Variants in ZHX2 observed in about 807,000 individuals in gnomAD.
ZHX2 encodes the protein zinc fingers and homeoboxes 2, also known as zinc fingers and homeoboxes protein 2.
In ZHX2, 6 loss-of-function variants were observed where a neutral mutation model predicts 21.9. The ratio of observed to expected loss-of-function variants is 0.27; its 90% CI spans 0.15 to 0.54. ZHX2 has a LOEUF of 0.54. Ranked by LOEUF, ZHX2 falls within the 20% of genes least tolerant of loss-of-function variation. ZHX2 has a pLI of 0.95. For synonymous variants in ZHX2, 434 were observed against 437.1 expected (o/e 0.99, Z 0.09); for missense variants, 908 against 1,090.7 (o/e 0.83, Z 2.36).
chr8:122,913,922 G>A (rs1183562595), intron 2 of ZHX2, among the ~76,000 whole-genome samples: 2 of 152,140 alleles, frequency 1.3e-5, no homozygotes, highest in African/African-American at 4.8e-5. Flanking sequence ...TATAACAATG[G>A]CCTTCATGAG....
At chr8:122,842,006 C>A (rs1818641683) in intron 1 of ZHX2, among the ~76,000 whole-genome samples, 1 of 152,190 alleles carries the variant, frequency 6.6e-6, no homozygotes, top group African/African-American at 2.4e-5. Flanking sequence ...TAGTGCTTGA[C>A]TGTAGAGCCC....
chr8:122,829,898 T>C (rs940775583), intron 1 of ZHX2, among the ~76,000 whole-genome samples: 2 of 152,148 alleles, frequency 1.3e-5, no homozygotes, highest in African/African-American at 4.8e-5. Context: ...TGGAGCCCTG[T>C]TGGTGATGAA....
intron 2 of ZHX2, among the ~76,000 whole-genome samples, chr8:122,905,387 T>TA (rs34079948): frequency 0.017 from 2,548 of 152,278 alleles, 63 homozygotes; most frequent in African/African-American, 0.057. Flanking sequence ...ACATTTTTTT[T>TA]AAAAACTGTC....
chr8:122,819,132 A>G (rs942976646), intron 1 of ZHX2, among the ~76,000 whole-genome samples: 1 of 152,224 alleles, frequency 6.6e-6, no homozygotes, highest in Non-Finnish European at 1.5e-5. Flanking sequence ...CCAGTGCATG[A>G]GAAGACAGTG....
intron 1 of ZHX2, among the ~76,000 whole-genome samples, chr8:122,825,453 C>T (rs1818243076): frequency 6.6e-6 from 1 of 152,164 alleles, no homozygotes; most frequent in African/African-American, 2.4e-5. Flanking sequence ...TCTTCCTACA[C>T]CCCATCCCTG....
chr8:122,955,069 C>CG (rs35647179), intron 3 of ZHX2, among the ~76,000 whole-genome samples: 2,508 of 20,400 alleles, frequency 0.12, 188 homozygotes, highest in Non-Finnish European at 0.15. Flanking sequence ...TCACATAAGC[C>CG]GGGGGGGGGG....
intron 1 of ZHX2, among the ~76,000 whole-genome samples, chr8:122,852,534 A>G (rs1298889242): frequency 6.6e-6 from 1 of 151,964 alleles, no homozygotes; most frequent in African/African-American, 2.4e-5. Flanking sequence ...ATGTGAACTC[A>G]GGCAGTCTTT....
chr8:122,796,817 G>C (rs989914384), intron 1 of ZHX2, among the ~76,000 whole-genome samples: 3 of 152,146 alleles, frequency 2.0e-5, no homozygotes, highest in Admixed American at 6.5e-5. Flanking sequence ...ACAAAGAAGA[G>C]AGCAGTTCCA....
At chr8:122,913,456 G>A (rs912360513) in intron 2 of ZHX2, among the ~76,000 whole-genome samples, 1 of 152,210 alleles carries the variant, frequency 6.6e-6, no homozygotes, top group Admixed American at 6.5e-5. Flanking sequence ...CAAGGAGCCT[G>A]CCAACCTTGA....
intron 1 of ZHX2, among the ~76,000 whole-genome samples, chr8:122,851,756 G>T (rs199637596): frequency 2.1e-4 from 32 of 152,188 alleles, no homozygotes; most frequent in Admixed American, 2.1e-3. Flanking sequence ...CCGGGGCTTG[G>T]GGGCTCAGAA....
intron 2 of ZHX2, among the ~76,000 whole-genome samples, chr8:122,894,303 G>A (rs1349880656): frequency 6.6e-6 from 1 of 152,180 alleles, no homozygotes; most frequent in African/African-American, 2.4e-5. Flanking sequence ...AGTTTCCCAA[G>A]GGCTTCTGGC....
rs1228893306 is a variant in ZHX2, at chr8:122,828,498, C to T, written c.-282-34979C>T. Among the ~76,000 whole-genome samples, 5 of 152,200 alleles carry T rather than the reference C, an allele frequency of 3.3e-5. No homozygotes were observed. Among genetic ancestry groups the T allele is most frequent in the South Asian group, 2.1e-4 (1 of 4,836 alleles). On this transcript the variant is annotated intron_variant, in intron 1 of 3. Coordinates refer to ENST00000314393, the MANE Select transcript of ZHX2 (RefSeq NM_014943.5). The surrounding 1 kb of genome is among the most constrained non-coding windows in gnomAD (Gnocchi z 5.2). ...AAACCCAGGAAGACAGGGAGAGCTG[C>T]GGCCCACGAATGCATCTACCAGTGT...
At chr8:122,804,529 C>T (rs1817787146) in intron 1 of ZHX2, among the ~76,000 whole-genome samples, 1 of 152,174 alleles carries the variant, frequency 6.6e-6, no homozygotes, top group African/African-American at 2.4e-5. Context: ...CTGGGAGTCT[C>T]CAGTCTCCTG....
At chr8:122,950,512 G>A (rs113464266) in intron 2 of ZHX2, among the ~76,000 whole-genome samples, 2 of 151,782 alleles carry the variant, frequency 1.3e-5, no homozygotes, top group African/African-American at 4.8e-5. Flanking sequence ...GATGGGTGCA[G>A]CAAACCACCA....
In ZHX2 at chr8:122,953,344, T is replaced by C; in HGVS notation, c.1834T>C (p.Ser612Pro). The C allele has an allele frequency of 6.2e-7, 1 of 1,614,020 alleles. No homozygotes were observed. Among genetic ancestry groups the C allele is most frequent in the Non-Finnish European group, 8.5e-7 (1 of 1,180,016 alleles). Residue 612 changes from serine to proline, a missense_variant, in exon 3 of 4, where the codon TCT (serine) becomes CCT (proline). Coordinates refer to ENST00000314393, the MANE Select transcript of ZHX2 (RefSeq NM_014943.5). The surrounding 1 kb of genome is among the most constrained non-coding windows in gnomAD (Gnocchi z 4.6). ...TGTGGGAGCCCCCAATGGTGCTCTG[T>C]CTCGACTCGACCAGCTCTCCGGTGC... is the stretch of plus-strand genomic sequence containing the variant. The part of the protein sequence containing the change: ...QDVGAPNGAL[S>P]RLDQLSGAQL...
intron 1 of ZHX2, among the ~76,000 whole-genome samples, chr8:122,821,383 G>A (rs995119311): frequency 6.6e-6 from 1 of 152,206 alleles, no homozygotes; most frequent in Non-Finnish European, 1.5e-5. Context: ...CTAAGCTATA[G>A]TAAGGGCTTA....
intron 3 of ZHX2, among the ~76,000 whole-genome samples, chr8:122,966,734 T>C (rs879480987): frequency 6.6e-6 from 1 of 152,206 alleles, no homozygotes. Flanking sequence ...CCTTGATTAT[T>C]CCCTCAAATA....
rs146695187 is a variant in ZHX2, at chr8:122,910,976, T to C, written c.-219-40316T>C. Among the ~76,000 whole-genome samples the C allele has an allele frequency of 2.4e-3, 371 of 152,304 alleles. 2 individuals carry two copies. The highest frequency in any genetic ancestry group is 0.01 in the Middle Eastern group (3 of 294). On this transcript the variant is annotated intron_variant, in intron 2 of 3. Coordinates refer to ENST00000314393, the MANE Select transcript of ZHX2 (RefSeq NM_014943.5). ...TCCTGCCCACTGTATCGGCTACATG[T>C]TCCTGTTATAAGTCATGACAAGAAG...
At chr8:122,958,949 G>A (rs895315136) in intron 3 of ZHX2, among the ~76,000 whole-genome samples, 3 of 152,210 alleles carry the variant, frequency 2.0e-5, no homozygotes, top group African/African-American at 7.2e-5. Context: ...AGAAACACCT[G>A]TTTCATGAGA....
Sources: gnomAD v4.1 joint callset for allele counts (sites outside exome capture counted in the v4.1 genomes callset) on GRCh38, gnomAD v4.1.1 for gene constraint, Gnocchi (gnomAD v3.1) non-coding constraint, MANE v1.5 for transcripts, NCBI Gene and HGNC (gene_info 2026-07-23, HGNC 2026-07-21) for gene names.